KLHL12: variants seen among roughly 807,000 people sequenced by gnomAD.
The protein encoded by KLHL12 is kelch like family member 12.
In KLHL12, 17 loss-of-function variants were observed where a neutral mutation model predicts 60.8. That is an observed-to-expected ratio of 0.28 (90% CI 0.19 to 0.42). The LOEUF (loss-of-function observed/expected upper bound fraction) is 0.42, where lower values mean the gene tolerates loss of function less well. Among genes scored for constraint, KLHL12 ranks in the 10% least tolerant of loss-of-function variants. The pLI is 1.00. For missense variants in KLHL12, 468 were observed against 722.3 expected (o/e 0.65, Z 4.04); for synonymous variants, 220 against 250.9 (o/e 0.88, Z 1.16).
chr1:202,899,691 T>A (rs1659945881), intron 6 of KLHL12, among the ~76,000 whole-genome samples: 1 of 152,026 alleles, frequency 6.6e-6, no homozygotes, highest in Non-Finnish European at 1.5e-5. Context: ...CCGGGTGCAG[T>A]GATGCGCACC....
chr1:202,906,500 G>T (rs1424395933), intron 6 of KLHL12, among the ~76,000 whole-genome samples: 3 of 148,828 alleles, frequency 2.0e-5, no homozygotes, highest in Admixed American at 2.0e-4. Flanking sequence ...TGGGAGGAAA[G>T]GCAAAATTGG....
In KLHL12 at chr1:202,921,990, AT is replaced by A. The variant is rs1179632110; in HGVS notation, c.196-2083del. ...TATTAACATTTAATACAGTACTAAT[AT>A]TCATAAACAATTACTATCCCAACAC... On this transcript the variant is annotated intron_variant, in intron 2 of 11. Coordinates refer to ENST00000367261, the MANE Select transcript of KLHL12 (RefSeq NM_021633.4). Among the ~76,000 whole-genome samples the A allele has an allele frequency of 2.0e-5, 3 of 152,246 alleles. No homozygotes were observed. In the East Asian group the frequency reaches 5.8e-4, roughly 29 times the overall value.
At chr1:202,905,507 G>C (rs1192024717) in intron 6 of KLHL12, among the ~76,000 whole-genome samples, 2 of 152,164 alleles carry the variant, frequency 1.3e-5, no homozygotes, top group African/African-American at 4.8e-5. Context: ...AAAAATCAAA[G>C]TAAGCAAAAT....
intron 6 of KLHL12, among the ~76,000 whole-genome samples, chr1:202,902,106 T>C (rs1325922369): frequency 6.6e-6 from 1 of 152,102 alleles, no homozygotes; most frequent in Non-Finnish European, 1.5e-5. Context: ...GTAACATAAT[T>C]TCCTTCCAGC....
chr1:202,915,702 C>T (rs1660502597), intron 4 of KLHL12, among the ~76,000 whole-genome samples: 1 of 152,154 alleles, frequency 6.6e-6, no homozygotes, highest in African/African-American at 2.4e-5. Flanking sequence ...CCAGACTACT[C>T]GAATTTGAAA....
intron 6 of KLHL12, among the ~76,000 whole-genome samples, chr1:202,904,849 C>CT (rs1660133721): frequency 2.0e-5 from 3 of 152,150 alleles, no homozygotes; most frequent in African/African-American, 7.2e-5. Context: ...GAGACAGCCA[C>CT]AAATTAGAAA....
In KLHL12 at chr1:202,895,546, GA is replaced by G. The variant is rs1384169151; in HGVS notation, c.1110del (p.Ala372LeufsTer9). On this transcript the variant is annotated frameshift_variant, in exon 8 of 12. Coordinates refer to ENST00000367261, the MANE Select transcript of KLHL12 (RefSeq NM_021633.4). LOFTEE classifies it high-confidence loss of function. The surrounding 1 kb of genome is among the most constrained non-coding windows in gnomAD (Gnocchi z 4.2). Reference sequence around the variant, plus strand: ...CCTCCCAGGGTGGTGGCTCCAGCAAGACCTCGTCGGACATTCATAGGGGCCA... The same window carrying G: ...CCTCCCAGGGTGGTGGCTCCAGCAAGCCTCGTCGGACATTCATAGGGGCCA... ...YSVAPMNVRR[G>X]LAGATTLGDM... is the part of the protein sequence containing the mutation. The G allele has an allele frequency of 6.2e-7, 1 of 1,613,742 alleles. No individual in the cohort carries two copies. Among genetic ancestry groups the G allele is most frequent in the Non-Finnish European group, 8.5e-7 (1 of 1,179,886 alleles).
chr1:202,928,312 C>T (rs927273882), upstream of KLHL12, among the ~76,000 whole-genome samples: 7 of 149,372 alleles, frequency 4.7e-5, no homozygotes, highest in South Asian at 1.3e-3. Flanking sequence ...AAAGAAAAAA[C>T]AAAAAAAAGG....
intron 6 of KLHL12, among the ~76,000 whole-genome samples, chr1:202,900,185 GCT>G (rs1659963526): frequency 6.6e-6 from 1 of 151,926 alleles, no homozygotes. Context: ...TGATTTTTCA[GCT>G]CTTATTTCTG....
chr1:202,919,629 C>T (rs1008800799), intron 3 of KLHL12, 126 bp downstream of exon 3: 2 of 834,572 alleles, frequency 2.4e-6, no homozygotes, highest in African/African-American at 1.8e-5. Flanking sequence ...AGACAAAAGC[C>T]ATGGCCAGCA....
intron 5 of KLHL12, among the ~76,000 whole-genome samples, chr1:202,910,530 GTA>G (rs1391022846): frequency 1.3e-5 from 2 of 152,186 alleles, no homozygotes; most frequent in African/African-American, 4.8e-5. Context: ...CTCCCTCGAA[GTA>G]TGGTCCAGGC....
Position 202,895,492 on chromosome 1 carries a change from G to A in KLHL12, c.1135+30C>T, listed in dbSNP as rs1659804694. On this transcript the variant is annotated intron_variant, in intron 8 of 11. Coordinates refer to ENST00000367261, the MANE Select transcript of KLHL12 (RefSeq NM_021633.4). This position sits in a 1 kb window ranked among gnomAD's most constrained non-coding sequence, Gnocchi z 4.2. ...AACCCTGGTCCAGCCACAGTAAGAT[G>A]GAAATAATTGCCCTGCACATCCAGC... 1 of 1,594,336 alleles carries A rather than the reference G, an allele frequency of 6.3e-7. No individual in the cohort carries two copies. Among genetic ancestry groups the A allele is most frequent in the Non-Finnish European group, 8.6e-7 (1 of 1,168,204 alleles).
intron 6 of KLHL12, among the ~76,000 whole-genome samples, chr1:202,900,559 A>C (rs1659976015): frequency 1.3e-5 from 2 of 151,992 alleles, no homozygotes; most frequent in Non-Finnish European, 2.9e-5. Context: ...AAAAAATAAA[A>C]TAAAGTAACA....
intron 1 of KLHL12, among the ~76,000 whole-genome samples, 157 bp downstream of exon 1, chr1:202,926,932 A>G (rs1653595831): frequency 6.6e-6 from 1 of 152,154 alleles, no homozygotes; most frequent in African/African-American, 2.4e-5. Context: ...AGGGTGACCG[A>G]GGCCAGATGC....
At position 202,893,494 on chromosome 1, in the gene KLHL12, A is replaced by G; in HGVS notation, c.1394-69T>C. The G allele has an allele frequency of 1.5e-6, 2 of 1,341,870 alleles. No homozygotes were observed. The highest frequency in any genetic ancestry group is 2.1e-6 in the Non-Finnish European group (2 of 959,256). 83.1% of individuals were successfully genotyped at this position (1,341,870 alleles called of 1,614,324 possible). ...AGAATCTGAATTATAGAAATAAACT[A>G]CGGTCACTAATGACTAGCTGAGTTC... On this transcript the variant is annotated intron_variant, in intron 10 of 11. Transcript: ENST00000367261. This position sits in a 1 kb window ranked among gnomAD's most constrained non-coding sequence, Gnocchi z 4.1.
At chr1:202,903,951 CA>C (rs1226006094) in intron 6 of KLHL12, among the ~76,000 whole-genome samples, 2 of 152,048 alleles carry the variant, frequency 1.3e-5, no homozygotes, top group East Asian at 3.9e-4. Flanking sequence ...TCTTTACACA[CA>C]AATGGTTTTA....
intron 6 of KLHL12, among the ~76,000 whole-genome samples, chr1:202,902,992 AAAAC>A (rs1258595151): frequency 1.3e-5 from 2 of 151,770 alleles, no homozygotes; most frequent in African/African-American, 4.8e-5. Context: ...ACCTTGTATC[AAAAC>A]AAACAAACAA....
chr1:202,915,821 A>G (rs913327625), intron 4 of KLHL12, among the ~76,000 whole-genome samples: 4 of 152,206 alleles, frequency 2.6e-5, no homozygotes, highest in African/African-American at 7.2e-5. Context: ...AATACCAAGA[A>G]TGGTGCCACT....
At chr1:202,911,791 G>A (rs1660370564) in intron 4 of KLHL12, 2 of 695,520 alleles carry the variant, frequency 2.9e-6, no homozygotes, top group Non-Finnish European at 5.2e-6. Context: ...CATCTTTAAA[G>A]TCTCTCTCCT....
Sources: allele counts gnomAD v4.1 joint callset (sites outside exome capture counted in the v4.1 genomes callset), GRCh38; gene constraint gnomAD v4.1.1; non-coding constraint Gnocchi (gnomAD v3.1); transcripts MANE v1.5; gene names NCBI Gene and HGNC (gene_info 2026-07-23, HGNC 2026-07-21).